Variants in ST6GALNAC3 observed in about 807,000 individuals in gnomAD.
ST6GALNAC3 encodes ST6 N-acetylgalactosaminide alpha-2,6-sialyltransferase 3.
A neutral mutation model predicts 32.7 loss-of-function variants in ST6GALNAC3; 25 were observed. The ratio of observed to expected loss-of-function variants is 0.76; its 90% CI spans 0.56 to 1.07. The LOEUF (loss-of-function observed/expected upper bound fraction) is 1.07, where lower values mean the gene tolerates loss of function less well. Among genes scored for constraint, ST6GALNAC3 ranks in the 50% least tolerant of loss-of-function variants. The pLI, the probability that ST6GALNAC3 is intolerant of heterozygous loss-of-function variation, is 0.00. For missense variants in ST6GALNAC3, 355 were observed against 382.4 expected (o/e 0.93, Z 0.60); for synonymous variants, 129 against 133.1 (o/e 0.97, Z 0.21).
intron 3 of ST6GALNAC3, among the ~76,000 whole-genome samples, chr1:76,593,055 C>T (rs1647075377): frequency 6.6e-6 from 1 of 151,864 alleles, no homozygotes; most frequent in Non-Finnish European, 1.5e-5. Flanking sequence ...ATACTGAAAA[C>T]ATGATTTTTT....
At chr1:76,254,657 A>G (rs991393818) in intron 1 of ST6GALNAC3, among the ~76,000 whole-genome samples, 2 of 152,028 alleles carry the variant, frequency 1.3e-5, no homozygotes, top group Non-Finnish European at 2.9e-5. Flanking sequence ...AGTTAATGCC[A>G]CTATCTGCCT....
chr1:76,364,891 G>A (rs763558901), intron 2 of ST6GALNAC3, among the ~76,000 whole-genome samples: 1 of 152,172 alleles, frequency 6.6e-6, no homozygotes, highest in South Asian at 2.1e-4. Flanking sequence ...ATGCAACTTA[G>A]TTCAGGCACT....
intron 3 of ST6GALNAC3, among the ~76,000 whole-genome samples, chr1:76,494,061 C>T (rs1660656950): frequency 6.6e-6 from 1 of 152,092 alleles, no homozygotes; most frequent in Admixed American, 6.6e-5. Flanking sequence ...AATATATTGT[C>T]AAAATGTCTT....
intron 1 of ST6GALNAC3, among the ~76,000 whole-genome samples, chr1:76,180,969 G>A (rs1337350286): frequency 6.6e-6 from 1 of 152,236 alleles, no homozygotes; most frequent in Non-Finnish European, 1.5e-5. Flanking sequence ...CACTGAGCCA[G>A]TTGACACTTA....
intron 1 of ST6GALNAC3, among the ~76,000 whole-genome samples, chr1:76,130,391 T>C (rs933399968): frequency 6.6e-6 from 1 of 152,170 alleles, no homozygotes; most frequent in African/African-American, 2.4e-5. Flanking sequence ...TGGCTCTCCA[T>C]GGGGTGGGTG....
At chr1:76,594,040 T>C (rs1008737570) in intron 3 of ST6GALNAC3, among the ~76,000 whole-genome samples, 9 of 152,054 alleles carry the variant, frequency 5.9e-5, no homozygotes, top group African/African-American at 1.2e-4. Context: ...CCTTATTTAG[T>C]CAGCATGGAG....
intron 1 of ST6GALNAC3, among the ~76,000 whole-genome samples, chr1:76,101,020 T>C (rs75735945): frequency 0.02 from 3,033 of 152,164 alleles, 78 homozygotes; most frequent in African/African-American, 0.062. Flanking sequence ...AATTGACACA[T>C]CATTATCACC....
At chr1:76,351,007 T>C (rs1570927695) in intron 2 of ST6GALNAC3, among the ~76,000 whole-genome samples, 1 of 152,216 alleles carries the variant, frequency 6.6e-6, no homozygotes, top group South Asian at 2.1e-4. Flanking sequence ...AAGTTCAGAG[T>C]GTAACTTAGT....
chr1:76,385,485 C>T (rs1005980234), intron 2 of ST6GALNAC3, among the ~76,000 whole-genome samples: 11 of 152,086 alleles, frequency 7.2e-5, no homozygotes, highest in African/African-American at 2.4e-4. Flanking sequence ...CTCTGCATCT[C>T]AGTTTCTTCA....
chr1:76,467,929 C>T (rs746166396), intron 3 of ST6GALNAC3, among the ~76,000 whole-genome samples: 12 of 151,912 alleles, frequency 7.9e-5, no homozygotes, highest in Admixed American at 3.9e-4. Context: ...AAGGACATTT[C>T]GTTTTAATGT....
intron 2 of ST6GALNAC3, among the ~76,000 whole-genome samples, chr1:76,333,869 A>G (rs1302714980): frequency 6.6e-6 from 1 of 152,188 alleles, no homozygotes; most frequent in Non-Finnish European, 1.5e-5. Flanking sequence ...GTTTCTCACA[A>G]TAATGCTATA....
chr1:76,107,814 C>T (rs1033711099), intron 1 of ST6GALNAC3, among the ~76,000 whole-genome samples: 1 of 152,016 alleles, frequency 6.6e-6, no homozygotes, highest in African/African-American at 2.4e-5. Flanking sequence ...TCTGTCCTCT[C>T]CCTCTCTCTA....
At chr1:76,087,474 AGATTCACTG>A (rs1343945904) in intron 1 of ST6GALNAC3, among the ~76,000 whole-genome samples, 2 of 152,240 alleles carry the variant, frequency 1.3e-5, no homozygotes, top group Non-Finnish European at 2.9e-5. Flanking sequence ...TGGAGATAAA[AGATTCACTG>A]AACATCTAAT....
intron 1 of ST6GALNAC3, among the ~76,000 whole-genome samples, chr1:76,305,098 G>A (rs1660967759): frequency 6.6e-6 from 1 of 152,026 alleles, no homozygotes; most frequent in African/African-American, 2.4e-5. Flanking sequence ...AGGTGGATTG[G>A]AGAACATTTC....
chr1:76,264,149 C>G (rs1176615196), intron 1 of ST6GALNAC3, among the ~76,000 whole-genome samples: 1 of 152,142 alleles, frequency 6.6e-6, no homozygotes, highest in Non-Finnish European at 1.5e-5. Flanking sequence ...GAGGAAACTT[C>G]TCAGCGAGTA....
chr1:76,501,873 T>A (rs557827454), intron 3 of ST6GALNAC3, among the ~76,000 whole-genome samples: 2 of 152,358 alleles, frequency 1.3e-5, no homozygotes, highest in East Asian at 3.9e-4. Flanking sequence ...AGGCAGTCAC[T>A]GGAATTGATT....
At chr1:76,514,192 T>C (rs1160961545) in intron 3 of ST6GALNAC3, among the ~76,000 whole-genome samples, 6 of 152,204 alleles carry the variant, frequency 3.9e-5, no homozygotes, top group African/African-American at 1.4e-4. Flanking sequence ...CATTCAGTAT[T>C]GTGTTGTGGG....
intron 2 of ST6GALNAC3, among the ~76,000 whole-genome samples, chr1:76,324,712 C>T (rs1647033963): frequency 6.6e-6 from 1 of 151,960 alleles, no homozygotes; most frequent in Non-Finnish European, 1.5e-5. Context: ...GAAAAAAAGA[C>T]ATTAGATCAA....
intron 2 of ST6GALNAC3, among the ~76,000 whole-genome samples, chr1:76,354,976 G>A (rs1403471567): frequency 6.6e-6 from 1 of 152,190 alleles, no homozygotes; most frequent in Non-Finnish European, 1.5e-5. Flanking sequence ...ATTTTTGGAT[G>A]CAGAGGTTGA....
Sources: allele counts gnomAD v4.1 joint callset (sites outside exome capture counted in the v4.1 genomes callset), GRCh38; gene constraint gnomAD v4.1.1; transcripts MANE v1.5; gene names NCBI Gene and HGNC (gene_info 2026-07-23, HGNC 2026-07-21).